Variants in CTNNA3 observed in about 807,000 individuals in gnomAD.
CTNNA3 encodes the protein catenin alpha-3.
A neutral mutation model predicts 95.7 loss-of-function variants in CTNNA3; 76 were observed. The ratio of observed to expected loss-of-function variants is 0.79; its 90% CI spans 0.66 to 0.96. CTNNA3 has a LOEUF of 0.96. Ranked by LOEUF, CTNNA3 falls within the 40% of genes least tolerant of loss-of-function variation. The pLI, the probability that CTNNA3 is intolerant of heterozygous loss-of-function variation, is 0.00. For synonymous variants in CTNNA3, 431 were observed against 374.4 expected (o/e 1.15, Z -1.74); for missense variants, 1,191 against 1,089.8 (o/e 1.09, Z -1.31).
intron 5 of CTNNA3, among the ~76,000 whole-genome samples, chr10:67,260,659 T>C (rs1011890574): frequency 6.6e-6 from 1 of 150,868 alleles, no homozygotes; most frequent in African/African-American, 2.5e-5. Flanking sequence ...CTACGTGACT[T>C]TCACTGTTTT....
intron 7 of CTNNA3, among the ~76,000 whole-genome samples, chr10:66,795,052 A>AG (rs1314162239): frequency 6.6e-6 from 1 of 152,006 alleles, no homozygotes; most frequent in Non-Finnish European, 1.5e-5. Context: ...AAGCCCTTGA[A>AG]CTCATCCATG....
rs571249729 is a variant in CTNNA3, at chr10:67,330,510, T to A, written c.580-110640A>T. Among the ~76,000 whole-genome samples the A allele has an allele frequency of 2.0e-5, 3 of 152,278 alleles. No individual in the cohort carries two copies. The East Asian group carries it at 5.8e-4, about 29-fold the overall frequency. On this transcript the variant is annotated intron_variant, in intron 5 of 17. Coordinates refer to ENST00000433211, the MANE Select transcript of CTNNA3 (RefSeq NM_013266.4). ...AAGATAAGCGCAGCATATATTACTA[T>A]CATTATATCAATTTAGTCAAGAGGA...
chr10:66,274,761 G>A (rs911259310), intron 13 of CTNNA3, among the ~76,000 whole-genome samples: 5 of 151,934 alleles, frequency 3.3e-5, no homozygotes, highest in South Asian at 2.1e-4. Flanking sequence ...TCAAATGATC[G>A]GTTTTCATAA....
At chr10:66,973,332 C>T (rs1423637006) in intron 7 of CTNNA3, among the ~76,000 whole-genome samples, 1 of 152,084 alleles carries the variant, frequency 6.6e-6, no homozygotes, top group Non-Finnish European at 1.5e-5. Context: ...CTAGGACTTT[C>T]CACATTTTTG....
At chr10:67,136,212 A>T (rs1418792894) in intron 7 of CTNNA3, among the ~76,000 whole-genome samples, 2 of 151,896 alleles carry the variant, frequency 1.3e-5, no homozygotes, top group African/African-American at 4.8e-5. Flanking sequence ...ATTATCCCTT[A>T]TATTTTCTAT....
intron 11 of CTNNA3, among the ~76,000 whole-genome samples, chr10:66,517,995 C>A (rs1236075407): frequency 6.6e-6 from 1 of 152,082 alleles, no homozygotes; most frequent in Non-Finnish European, 1.5e-5. Context: ...ATGAAAATAT[C>A]CCTCTCCACA....
intron 9 of CTNNA3, among the ~76,000 whole-genome samples, chr10:66,742,757 A>C (rs893634697): frequency 1.3e-5 from 2 of 152,158 alleles, no homozygotes; most frequent in African/African-American, 4.8e-5. Context: ...TACATTAGGA[A>C]GATATCTAAT....
chr10:66,993,223 T>C (rs563902164), intron 7 of CTNNA3, among the ~76,000 whole-genome samples: 1 of 152,236 alleles, frequency 6.6e-6, no homozygotes, highest in Non-Finnish European at 1.5e-5. Flanking sequence ...ATGTGGCTAT[T>C]TGAGCTTTGG....
At chr10:67,508,310 C>T (rs1386509436) in intron 5 of CTNNA3, among the ~76,000 whole-genome samples, 2 of 151,900 alleles carry the variant, frequency 1.3e-5, no homozygotes, top group African/African-American at 4.8e-5. Context: ...CCGTGCCTAG[C>T]AGAAGGAATG....
chr10:66,775,399 A>G (rs780876739), intron 8 of CTNNA3, 45 bp downstream of exon 8: 1 of 1,303,150 alleles, frequency 7.7e-7, no homozygotes, highest in Non-Finnish European at 1.1e-6. Context: ...TAACAGTTTC[A>G]TTTAGCCCCT....
chr10:66,446,472 C>T (rs2093422225), intron 11 of CTNNA3, among the ~76,000 whole-genome samples: 1 of 151,578 alleles, frequency 6.6e-6, no homozygotes, highest in South Asian at 2.1e-4. Flanking sequence ...AAAGTTTATC[C>T]ACCATGATCA....
chr10:67,126,441 C>T (rs1337112712), intron 7 of CTNNA3, among the ~76,000 whole-genome samples: 3 of 151,948 alleles, frequency 2.0e-5, no homozygotes, highest in Non-Finnish European at 2.9e-5. Flanking sequence ...GCGGGAGAAT[C>T]GCTTGATCCC....
intron 12 of CTNNA3, among the ~76,000 whole-genome samples, chr10:66,338,950 T>C (rs2092424929): frequency 6.6e-6 from 1 of 151,858 alleles, no homozygotes; most frequent in Admixed American, 6.6e-5. Flanking sequence ...AATACCTAAA[T>C]TCTTTAAGAA....
intron 14 of CTNNA3, among the ~76,000 whole-genome samples, chr10:66,077,911 G>T (rs1030864112): frequency 4.0e-5 from 6 of 151,660 alleles, no homozygotes; most frequent in Non-Finnish European, 8.9e-5. Context: ...AATTTGTTTA[G>T]CAAGAGTCAA....
rs565421318 is a variant in CTNNA3 at position 65,912,599 on chromosome 10, C to T, written c.*7731G>A. On this transcript the variant is annotated 3_prime_UTR_variant, in exon 18 of 18. Transcript: ENST00000433211. ...AGTTGAACAAATTCTTAATGAGCTA[C>T]AGAGTGACATGAGTTGAAATTAGAA... The T allele has an allele frequency of 2.6e-5, 4 of 152,154 alleles. No individual in the cohort carries two copies. The highest frequency in any genetic ancestry group is 2.1e-4 in the South Asian group (1 of 4,810). 9.4% of individuals were successfully genotyped at this position (152,154 alleles called of 1,614,324 possible). A position where few individuals can be genotyped will look rare whatever the true frequency, so the allele number is the denominator to read the frequency against.
At chr10:67,182,759 G>A (rs1334979750) in intron 6 of CTNNA3, among the ~76,000 whole-genome samples, 5 of 152,094 alleles carry the variant, frequency 3.3e-5, no homozygotes, top group East Asian at 1.9e-4. Context: ...GCAACCTACA[G>A]AATGGGAGAA....
chr10:67,099,400 T>G (rs1159007307), intron 7 of CTNNA3: 1 of 151,716 alleles, frequency 6.6e-6, no homozygotes, highest in Non-Finnish European at 1.5e-5. Flanking sequence ...TCATTTTATA[T>G]TCATGCCATC....
intron 14 of CTNNA3, among the ~76,000 whole-genome samples, chr10:66,078,317 C>T (rs1047349497): frequency 5.9e-5 from 9 of 151,808 alleles, no homozygotes; most frequent in Admixed American, 3.9e-4. Context: ...ATTCCTTCAC[C>T]TATTCCTTTT....
intron 13 of CTNNA3, among the ~76,000 whole-genome samples, chr10:66,183,210 GCTCT>G (rs774861971): frequency 2.0e-5 from 3 of 152,190 alleles, no homozygotes; most frequent in Non-Finnish European, 4.4e-5. Flanking sequence ...GCCAAATCTG[GCTCT>G]CTATCTCTTT....
Sources: gnomAD v4.1 joint callset for allele counts (sites outside exome capture counted in the v4.1 genomes callset) on GRCh38, gnomAD v4.1.1 for gene constraint, MANE v1.5 for transcripts, NCBI Gene and HGNC (gene_info 2026-07-23, HGNC 2026-07-21) for gene names.